Variants in NOTUM observed in about 807,000 individuals in gnomAD.
The protein encoded by NOTUM is notum, palmitoleoyl-protein carboxylesterase, also known as palmitoleoyl-protein carboxylesterase NOTUM.
In NOTUM, 36 loss-of-function variants were observed where a neutral mutation model predicts 65.5. The ratio of observed to expected loss-of-function variants is 0.55; its 90% CI spans 0.42 to 0.73. The LOEUF (loss-of-function observed/expected upper bound fraction) is 0.73, where lower values mean the gene tolerates loss of function less well. Among genes scored for constraint, NOTUM ranks in the 30% least tolerant of loss-of-function variants. The pLI, the probability that NOTUM is intolerant of heterozygous loss-of-function variation, is 0.00. For synonymous variants in NOTUM, 356 were observed against 297.9 expected (o/e 1.20, Z -2.01); for missense variants, 659 against 694.2 (o/e 0.95, Z 0.57).
Position 81,952,570 on chromosome 17 carries a change from T to C in NOTUM, c.*391A>G, listed in dbSNP as rs1280441524. 1.6e-5 allele frequency: 3 copies of C among 190,544 alleles called. No individual in the cohort carries two copies. Among genetic ancestry groups the C allele is most frequent in the South Asian group, 1.3e-4 (1 of 7,512 alleles). The allele number at this position is 190,544 out of a possible 1,614,324, so 11.8% of individuals were successfully genotyped here. A position where few individuals can be genotyped will look rare whatever the true frequency, so the allele number is the denominator to read the frequency against. On this transcript the variant is annotated 3_prime_UTR_variant, in exon 11 of 11. Transcript: ENST00000409678. Reference sequence around the variant, plus strand: ...AGTTACAAAACAATATCATTCATCATATATTCTTATTTTCCTTTTTTTAAA... The same window carrying C: ...AGTTACAAAACAATATCATTCATCACATATTCTTATTTTCCTTTTTTTAAA...
intron 5 of NOTUM, 137 bp from the exon 6 acceptor site, chr17:81,958,045 G>T: frequency 1.4e-6 from 1 of 694,064 alleles, no homozygotes; most frequent in Non-Finnish European, 2.5e-6. Flanking sequence ...CAGGGGCTTG[G>T]GTGGACTGGA....
rs2041471832 is a variant in NOTUM at position 81,960,928 on chromosome 17, G to C, written c.-19C>G. 2 of 1,219,114 alleles carry C rather than the reference G, an allele frequency of 1.6e-6. No individual in the cohort carries two copies. Among genetic ancestry groups the C allele is most frequent in the African/African-American group, 1.6e-5 (1 of 63,586 alleles). 75.5% of individuals were successfully genotyped at this position (1,219,114 alleles called of 1,614,324 possible). A position where few individuals can be genotyped will look rare whatever the true frequency, so the allele number is the denominator to read the frequency against. ...GGCCCATGGCCGCGTCCACCTGCGG[G>C]GAGCGGGCGGCCTTGAGGCGGCGGC... On this transcript the variant is annotated 5_prime_UTR_variant, in exon 1 of 11. Coordinates refer to ENST00000409678, the MANE Select transcript of NOTUM (RefSeq NM_178493.6). This position sits in a 1 kb window ranked among gnomAD's most constrained non-coding sequence, Gnocchi z 6.4.
chr17:81,956,384 T>C (rs1251357131), intron 8 of NOTUM, among the ~76,000 whole-genome samples: 1 of 151,960 alleles, frequency 6.6e-6, no homozygotes, highest in African/African-American at 2.4e-5. Flanking sequence ...GACTGAGGGG[T>C]GTCAGTGCTG....
intron 9 of NOTUM, 136 bp downstream of exon 9, chr17:81,955,261 G>C (rs1230889263): frequency 1.3e-6 from 1 of 764,126 alleles, no homozygotes; most frequent in Non-Finnish European, 2.1e-6. Context: ...GATTATAGGT[G>C]TGAGTCACTG....
In NOTUM at chr17:81,957,830, T is replaced by C; in HGVS notation, c.671A>G (p.Lys224Arg). ...ELLGRGLSGA[K>R]VLLLAGSSAG... The stretch of plus-strand genomic sequence containing the variant: ...CCTGCTCCCGGCCAGCAGCAGCACC[T>C]TGGCCCCGCTCAGCCCTCTGCCCAG... The change falls in exon 6 of 11, where the codon AAG (lysine) becomes AGG (arginine). Residue 224 changes from lysine (K) to arginine (R), a missense_variant. By Grantham distance (26) the Lys-to-Arg change is conservative. Transcript: ENST00000409678. 6.2e-7 allele frequency: 1 copy of C among 1,607,216 alleles called. No individual in the cohort carries two copies. Among genetic ancestry groups the C allele is most frequent in the Non-Finnish European group, 8.5e-7 (1 of 1,177,380 alleles).
intron 5 of NOTUM, among the ~76,000 whole-genome samples, 187 bp downstream of exon 5, chr17:81,958,148 G>A (rs1017103644): frequency 6.6e-6 from 1 of 152,166 alleles, no homozygotes; most frequent in African/African-American, 2.4e-5. Context: ...GCAGGCAGTG[G>A]GAGCATGGGG....
rs151238827 is a variant in NOTUM at position 81,957,548 on chromosome 17, T to C, written c.695+258A>G. 3.9e-5 allele frequency among the ~76,000 whole-genome samples: 6 copies of C among 152,124 alleles called. No individual in the cohort carries two copies. The East Asian group carries it at 1.2e-3, about 30-fold the overall frequency. ...GGTCCCTGCAGCCCAAACCTTCCCC[T>C]ATATCCAACAACCATGGCGTCCAGA... On this transcript the variant is annotated intron_variant, in intron 6 of 10. Coordinates refer to ENST00000409678, the MANE Select transcript of NOTUM (RefSeq NM_178493.6).
intron 9 of NOTUM, 46 bp downstream of exon 9, chr17:81,955,351 A>G (rs1353854279): frequency 1.8e-5 from 26 of 1,469,450 alleles, no homozygotes; most frequent in Non-Finnish European, 2.3e-5. Context: ...TTTTTAAATA[A>G]GGAGGGAGCT....
In NOTUM at chr17:81,960,555, C is replaced by A; in HGVS notation, c.323+32G>T. On this transcript the variant is annotated intron_variant, in intron 1 of 10. Coordinates refer to ENST00000409678, the MANE Select transcript of NOTUM (RefSeq NM_178493.6). The surrounding 1 kb of genome is among the most constrained non-coding windows in gnomAD (Gnocchi z 6.4). ...CCAGCCGGAGACCGGGCGCGTCGGG[C>A]GGGGCGGGGAGGTGCAGGGCGCGGG... 7.2e-7 allele frequency: 1 copy of A among 1,389,758 alleles called. No individual in the cohort carries two copies. The allele number at this position is 1,389,758 out of a possible 1,614,324, so 86.1% of individuals were successfully genotyped here.
Position 81,958,941 on chromosome 17 carries a change from T to G in NOTUM, c.527A>C (p.Asn176Thr). The change falls in exon 4 of 11, where the codon AAC (asparagine) becomes ACC (threonine). Residue 176 changes from asparagine (N) to threonine (T), a missense_variant. Physicochemically the swap from Asn to Thr is moderately conservative, Grantham distance 65. Transcript: ENST00000409678. ...PEENPYWWNA[N>T]MVFIPYCSSD... The stretch of plus-strand genomic sequence containing the variant: ...AGACCCTGTGCCCCCTTACACCATG[T>G]TTGCGTTCCACCAGTAGGGGTTCTC... 1 of 1,612,672 alleles carries G rather than the reference T, an allele frequency of 6.2e-7. No individual in the cohort carries two copies. The highest frequency in any genetic ancestry group is 8.5e-7 in the Non-Finnish European group (1 of 1,179,340).
chr17:81,954,954 TCTCTC>T (rs201649054), intron 9 of NOTUM, among the ~76,000 whole-genome samples: 82 of 45,560 alleles, frequency 1.8e-3, no homozygotes, highest in Non-Finnish European at 4.1e-3. Flanking sequence ...TCTCTCTCTC[TCTCTC>T]CTCTCTCTCT....
intron 1 of NOTUM, 76 bp from the exon 2 acceptor site, chr17:81,959,768 G>T (rs1257350264): frequency 2.2e-6 from 2 of 899,910 alleles, no homozygotes; most frequent in South Asian, 7.7e-5. Context: ...AGCTCCGGCG[G>T]AGGGAACGCG....
rs141665075 is a variant in NOTUM at position 81,960,676 on chromosome 17, G to A, written c.234C>T (p.Tyr78=). The A allele has an allele frequency of 1.7e-3, 2,710 of 1,598,722 alleles. 4 individuals carry two copies. Among genetic ancestry groups the A allele is most frequent in the Non-Finnish European group, 2.2e-3 (2,552 of 1,173,324 alleles). ...AQVKSLAQSL[Y]PCSAQQLNED... ...CGTTGAGCTGCTGCGCGGAGCAGGG[G>A]TACAGGGACTGCGCCAGGCTCTTGA... The change falls in exon 1 of 11, where the codon TAC becomes TAT. Residue 78 remains tyrosine, a synonymous_variant. Coordinates refer to ENST00000409678, the MANE Select transcript of NOTUM (RefSeq NM_178493.6). This position sits in a 1 kb window ranked among gnomAD's most constrained non-coding sequence, Gnocchi z 6.4.
At chr17:81,959,976 T>TCGGGTC (rs1479443247) in intron 1 of NOTUM, among the ~76,000 whole-genome samples, 2 of 151,646 alleles carry the variant, frequency 1.3e-5, no homozygotes, top group Admixed American at 6.6e-5. Context: ...GCGGCGGTCC[T>TCGGGTC]CCCGGGGCGC....
Position 81,955,016 on chromosome 17 carries a change from C to T in NOTUM, c.1136+381G>A, listed in dbSNP as rs1202725003. On this transcript the variant is annotated intron_variant, in intron 9 of 10. Coordinates refer to ENST00000409678, the MANE Select transcript of NOTUM (RefSeq NM_178493.6). ...TATTTTTTGAGACAGAGTCTTACTC[C>T]GTCACCCAGGCTGGAGTGCAGTGGC... Among the ~76,000 whole-genome samples the T allele has an allele frequency of 5.9e-5, 9 of 151,584 alleles. 1 individual carries two copies. The South Asian group carries it at 1.0e-3, about 18-fold the overall frequency.
rs1567940043 is a variant in NOTUM, at chr17:81,960,576, G to C, written c.323+11C>G. Reference sequence around the variant, plus strand: ...CGGGCGGGGCGGGGAGGTGCAGGGCGCGGGCCTTACCCGGCGGGGCTGCCG... The same window carrying C: ...CGGGCGGGGCGGGGAGGTGCAGGGCCCGGGCCTTACCCGGCGGGGCTGCCG... On this transcript the variant is annotated intron_variant, in intron 1 of 10. Transcript: ENST00000409678. This position sits in a 1 kb window ranked among gnomAD's most constrained non-coding sequence, Gnocchi z 6.4. 6.8e-7 allele frequency: 1 copy of C among 1,478,904 alleles called. No homozygotes were observed. Among genetic ancestry groups the C allele is most frequent in the Non-Finnish European group, 9.1e-7 (1 of 1,100,770 alleles). 91.6% of individuals were successfully genotyped at this position (1,478,904 alleles called of 1,614,324 possible).
chr17:81,952,889 G>A lies in NOTUM; in HGVS notation c.*72C>T. The A allele has an allele frequency of 2.2e-6, 3 of 1,343,972 alleles. No individual in the cohort carries two copies. The highest frequency in any genetic ancestry group is 3.2e-6 in the Non-Finnish European group (3 of 950,290). The allele number at this position is 1,343,972 out of a possible 1,614,324, so 83.3% of individuals were successfully genotyped here. On this transcript the variant is annotated 3_prime_UTR_variant, in exon 11 of 11. Coordinates refer to ENST00000409678, the MANE Select transcript of NOTUM (RefSeq NM_178493.6). ...CGAAGAGACGGGAGGGCCTGCTGGT[G>A]GGGGGTGAGGTGGCACTGGGGCAGC...
rs1002069264 is a variant in NOTUM, at chr17:81,958,966, C to A, written c.502G>T (p.Glu168Ter). The change falls in exon 4 of 11, where the codon GAG (glutamate) becomes TAG (stop). Residue 168 changes from glutamate to a stop codon, truncating the protein, a stop_gained. Coordinates refer to ENST00000409678, the MANE Select transcript of NOTUM (RefSeq NM_178493.6). LOFTEE classifies it high-confidence loss of function. ...TTTGCGTTCCACCAGTAGGGGTTCT[C>A]CTCCGGCTGTGAGGACAGGATCCCT... ...GTGILSSQPE[E>*]NPYWWNANMV... The A allele has an allele frequency of 6.2e-7, 1 of 1,613,158 alleles. No homozygotes were observed.
At position 81,960,536 on chromosome 17, in the gene NOTUM, G is replaced by GGAGACC; in HGVS notation, c.323+45_323+50dup. The GGAGACC allele has an allele frequency of 7.7e-7, 1 of 1,305,666 alleles. No individual in the cohort carries two copies. The highest frequency in any genetic ancestry group is 1.0e-6 in the Non-Finnish European group (1 of 974,906). The allele number at this position is 1,305,666 out of a possible 1,614,324, so 80.9% of individuals were successfully genotyped here. On this transcript the variant is annotated intron_variant, in intron 1 of 10. Transcript: ENST00000409678. This position sits in a 1 kb window ranked among gnomAD's most constrained non-coding sequence, Gnocchi z 6.4. ...CGCGGCCCGCAGGGAAGGTCCAGCC[G>GGAGACC]GAGACCGGGCGCGTCGGGCGGGGCG...
Sources: allele counts gnomAD v4.1 joint callset (sites outside exome capture counted in the v4.1 genomes callset), GRCh38; gene constraint gnomAD v4.1.1; non-coding constraint Gnocchi (gnomAD v3.1); transcripts MANE v1.5; gene names NCBI Gene and HGNC (gene_info 2026-07-23, HGNC 2026-07-21).